PDGFC: variants seen among roughly 807,000 people sequenced by gnomAD.
The protein encoded by PDGFC is platelet-derived growth factor C.
In PDGFC, 12 loss-of-function variants were observed where a neutral mutation model predicts 35.5. The ratio of observed to expected loss-of-function variants is 0.34; its 90% confidence interval spans 0.22 to 0.55. The LOEUF (loss-of-function observed/expected upper bound fraction) is 0.55. PDGFC is among the 20% of genes least tolerant of loss of function. The probability of loss-of-function intolerance (pLI) is 0.91; values close to 1 mark genes in which losing one functional copy is unlikely to be tolerated. For synonymous variants in PDGFC, 159 were observed against 148.8 expected (o/e 1.07, Z -0.50); for missense variants, 322 against 412.4 (o/e 0.78, Z 1.90).
At chr4:156,961,466 C>A in intron 1 of PDGFC, among the ~76,000 whole-genome samples, 1 of 152,226 alleles carries the variant, frequency 6.6e-6, no homozygotes, top group South Asian at 2.1e-4. Flanking sequence ...ATAGTATCCA[C>A]TCATGAACAA....
intron 1 of PDGFC, among the ~76,000 whole-genome samples, chr4:156,859,502 C>T (rs1005166024): frequency 6.6e-6 from 1 of 152,026 alleles, no homozygotes; most frequent in Non-Finnish European, 1.5e-5. Context: ...TTGGTTTCAG[C>T]AGTAATTCCA....
intron 3 of PDGFC, among the ~76,000 whole-genome samples, chr4:156,794,348 T>A (rs1230593887): frequency 1.3e-5 from 2 of 152,068 alleles, no homozygotes; most frequent in Non-Finnish European, 2.9e-5. Context: ...TACAGAAGAA[T>A]TTAAAAACAA....
chr4:156,821,008 AC>A (rs1732237851), intron 2 of PDGFC, among the ~76,000 whole-genome samples: 1 of 152,174 alleles, frequency 6.6e-6, no homozygotes, highest in Non-Finnish European at 1.5e-5. Context: ...TACAGAAGAA[AC>A]AAACGATCCT....
intron 2 of PDGFC, among the ~76,000 whole-genome samples, chr4:156,812,065 A>G (rs970525400): frequency 6.6e-6 from 1 of 152,044 alleles, no homozygotes; most frequent in Non-Finnish European, 1.5e-5. Context: ...GCACTGTTTT[A>G]GTTAAGATAA....
chr4:156,918,268 C>T (rs948891605), intron 1 of PDGFC, among the ~76,000 whole-genome samples: 5 of 152,266 alleles, frequency 3.3e-5, no homozygotes, highest in Non-Finnish European at 1.5e-5. Flanking sequence ...ATCATTTTCC[C>T]CCATACTCCC....
Position 156,762,678 on chromosome 4 carries a change from A to G in PDGFC, c.*412T>C, listed in dbSNP as rs1730408199. ...ATACGATTTTAGGCCCAGGACATGG[A>G]GCTTTAGAGTTAAGCAAGGCAACGG... On this transcript the variant is annotated 3_prime_UTR_variant, in exon 6 of 6. Transcript: ENST00000502773. The G allele has an allele frequency of 6.5e-6, 1 of 154,342 alleles. No individual in the cohort carries two copies. The highest frequency in any genetic ancestry group is 1.4e-5 in the Non-Finnish European group (1 of 69,796). The allele number at this position is 154,342 out of a possible 1,614,324, so 9.6% of individuals were successfully genotyped here.
intron 1 of PDGFC, among the ~76,000 whole-genome samples, chr4:156,893,483 T>C (rs540891852): frequency 1.3e-5 from 2 of 152,036 alleles, no homozygotes; most frequent in African/African-American, 4.8e-5. Flanking sequence ...CATGATTTTT[T>C]AAGTTTTTTA....
chr4:156,891,731 A>G (rs1190346425), intron 1 of PDGFC, among the ~76,000 whole-genome samples: 1 of 152,224 alleles, frequency 6.6e-6, no homozygotes, highest in Non-Finnish European at 1.5e-5. Context: ...TGAACAATAT[A>G]AACCTTTCTC....
intron 2 of PDGFC, among the ~76,000 whole-genome samples, chr4:156,840,663 C>T (rs981420556): frequency 1.3e-5 from 2 of 152,162 alleles, no homozygotes; most frequent in Non-Finnish European, 2.9e-5. Flanking sequence ...TTGCACTGTG[C>T]ACCTGGAAAA....
At chr4:156,853,578 G>A (rs544962948) in intron 1 of PDGFC, among the ~76,000 whole-genome samples, 16 of 151,976 alleles carry the variant, frequency 1.1e-4, no homozygotes, top group South Asian at 4.1e-4. Flanking sequence ...CCTTTTCTAC[G>A]CATATTATTT....
intron 1 of PDGFC, among the ~76,000 whole-genome samples, chr4:156,920,060 C>T (rs1279260911): frequency 6.6e-6 from 1 of 152,110 alleles, no homozygotes; most frequent in East Asian, 1.9e-4. Context: ...ATGTGACATG[C>T]CTGCTCCCCC....
chr4:156,871,920 G>C (rs148016435), intron 1 of PDGFC, among the ~76,000 whole-genome samples: 2 of 151,780 alleles, frequency 1.3e-5, no homozygotes, highest in African/African-American at 4.8e-5. Flanking sequence ...CTGCTTACTA[G>C]ATAACGCTAA....
intron 1 of PDGFC, among the ~76,000 whole-genome samples, chr4:156,968,645 C>G (rs1352226661): frequency 6.6e-6 from 1 of 152,132 alleles, no homozygotes; most frequent in Non-Finnish European, 1.5e-5. Context: ...AAAAATCAAC[C>G]TGAGCATGTG....
rs534504455 is a variant in PDGFC at position 156,941,112 on chromosome 4, A to G, written c.118+29674T>C. ...ACCCAAAAGACCAATGGCTTAGCAC[A>G]TAGTTAGTGTTCAATAAGTATTTGT... On this transcript the variant is annotated intron_variant, in intron 1 of 5. Transcript: ENST00000502773. 3.9e-5 allele frequency among the ~76,000 whole-genome samples: 6 copies of G among 152,290 alleles called. No individual in the cohort carries two copies. In the South Asian group the frequency reaches 1.0e-3, roughly 26 times the overall value.
At chr4:156,937,710 T>C (rs1731717322) in intron 1 of PDGFC, among the ~76,000 whole-genome samples, 2 of 152,098 alleles carry the variant, frequency 1.3e-5, no homozygotes, top group Non-Finnish European at 2.9e-5. Flanking sequence ...AATAAATAAA[T>C]AAGAAAGGCA....
intron 1 of PDGFC, among the ~76,000 whole-genome samples, chr4:156,882,179 A>G (rs1009970453): frequency 6.6e-6 from 1 of 152,176 alleles, no homozygotes; most frequent in African/African-American, 2.4e-5. Context: ...AAAACAATAC[A>G]TTGTTAAGAA....
chr4:156,829,995 A>G (rs879608717), intron 2 of PDGFC, among the ~76,000 whole-genome samples: 3 of 152,138 alleles, frequency 2.0e-5, no homozygotes, highest in Admixed American at 6.5e-5. Context: ...ATAGAACCAA[A>G]TAGAAACAGG....
intron 5 of PDGFC, among the ~76,000 whole-genome samples, chr4:156,763,675 C>T (rs1363984990): frequency 6.6e-6 from 1 of 152,220 alleles, no homozygotes; most frequent in Non-Finnish European, 1.5e-5. Context: ...GATCACTCCA[C>T]AGCTGAGTCT....
intron 4 of PDGFC, 63 bp from the exon 5 acceptor site, chr4:156,768,053 C>A (rs1430551912): frequency 1.1e-6 from 1 of 923,352 alleles, no homozygotes. Flanking sequence ...GAATGTATTT[C>A]ATTAAGCTCT....
Sources: gnomAD v4.1 joint callset for allele counts (sites outside exome capture counted in the v4.1 genomes callset) on GRCh38, gnomAD v4.1.1 for gene constraint, MANE v1.5 for transcripts, NCBI Gene and HGNC (gene_info 2026-07-23, HGNC 2026-07-21) for gene names.